Variants in DCC observed in about 807,000 individuals in gnomAD.
DCC encodes netrin receptor DCC.
In DCC, 58 loss-of-function variants were observed where a neutral mutation model predicts 172.5. The ratio of observed to expected loss-of-function variants is 0.34; its 90% CI spans 0.27 to 0.42. DCC has a LOEUF of 0.42. DCC is among the 10% of genes least tolerant of loss of function. The pLI is 1.00. For missense variants in DCC, 1,740 were observed against 1,791.0 expected (o/e 0.97, Z 0.51); for synonymous variants, 709 against 644.5 (o/e 1.10, Z -1.52).
At chr18:52,984,205 C>T (rs1246123169) in intron 5 of DCC, among the ~76,000 whole-genome samples, 1 of 151,970 alleles carries the variant, frequency 6.6e-6, no homozygotes. Context: ...ATCTGTTAAA[C>T]ACTGTAATTT....
At chr18:52,369,119 C>G (rs1216991644) in intron 1 of DCC, among the ~76,000 whole-genome samples, 1 of 152,132 alleles carries the variant, frequency 6.6e-6, no homozygotes, top group Non-Finnish European at 1.5e-5. Context: ...CCTTGTCTCT[C>G]CAAGAATGAA....
Position 53,250,557 on chromosome 18 carries a change from C to G in DCC, c.1911+34960C>G, listed in dbSNP as rs117090112. ...CCTACAGGCAATATCTGCCCCTAGT[C>G]TCCTCCCCTTTCTTCCACAGGCTTC... On this transcript the variant is annotated intron_variant, in intron 12 of 28. Transcript: ENST00000442544. 1.3e-4 allele frequency among the ~76,000 whole-genome samples: 20 copies of G among 151,912 alleles called. No individual in the cohort carries two copies. The East Asian group carries it at 3.7e-3, about 28-fold the overall frequency.
chr18:52,399,402 G>T (rs1226373469), intron 1 of DCC, among the ~76,000 whole-genome samples: 1 of 151,780 alleles, frequency 6.6e-6, no homozygotes, highest in Non-Finnish European at 1.5e-5. Flanking sequence ...ATGTCCTTTT[G>T]TTATTTAAAC....
chr18:52,713,242 G>T (rs1599039942), intron 1 of DCC, among the ~76,000 whole-genome samples: 4 of 152,308 alleles, frequency 2.6e-5, no homozygotes, highest in Admixed American at 1.3e-4. Context: ...AAGGGAAAAA[G>T]GACAATGTTT....
At chr18:52,577,509 T>G (rs1332120138) in intron 1 of DCC, among the ~76,000 whole-genome samples, 4 of 152,198 alleles carry the variant, frequency 2.6e-5, no homozygotes, top group Non-Finnish European at 5.9e-5. Flanking sequence ...GTTGAATTCT[T>G]AAGTTGATGG....
intron 12 of DCC, among the ~76,000 whole-genome samples, chr18:53,239,502 G>C (rs773296461): frequency 9.9e-5 from 15 of 152,152 alleles, no homozygotes; most frequent in Non-Finnish European, 1.8e-4. Flanking sequence ...TGGTTGTGCT[G>C]ATAGGTGAGT....
At chr18:53,060,187 T>C (rs1337317741) in intron 5 of DCC, among the ~76,000 whole-genome samples, 2 of 70,868 alleles carry the variant, frequency 2.8e-5, no homozygotes, top group Admixed American at 1.2e-4. Flanking sequence ...TTTGTTGCTG[T>C]TGTTGTTGTT....
At chr18:53,504,096 T>C (rs1031752522) in intron 27 of DCC, among the ~76,000 whole-genome samples, 3 of 152,240 alleles carry the variant, frequency 2.0e-5, no homozygotes, top group Non-Finnish European at 4.4e-5. Flanking sequence ...GTTTGATTTA[T>C]ATTTTATGGA....
chr18:53,066,363 A>G (rs1167188695), intron 7 of DCC, among the ~76,000 whole-genome samples, 197 bp downstream of exon 7: 626 of 53,000 alleles, frequency 0.012, 22 homozygotes, highest in African/African-American at 0.088. Context: ...GTATATATAT[A>G]TATATATATA....
intron 1 of DCC, among the ~76,000 whole-genome samples, chr18:52,728,430 G>A (rs2036586791): frequency 6.6e-6 from 1 of 152,066 alleles, no homozygotes; most frequent in Non-Finnish European, 1.5e-5. Context: ...ATCTCTTAGG[G>A]CAAAGTAGTT....
intron 5 of DCC, among the ~76,000 whole-genome samples, chr18:52,986,221 T>G (rs1360122447): frequency 6.6e-6 from 1 of 152,174 alleles, no homozygotes; most frequent in East Asian, 1.9e-4. Flanking sequence ...GCTTACAGAA[T>G]GAGAATGACT....
At chr18:53,341,903 T>C (rs896169018) in intron 15 of DCC, among the ~76,000 whole-genome samples, 1 of 152,106 alleles carries the variant, frequency 6.6e-6, no homozygotes, top group African/African-American at 2.4e-5. Flanking sequence ...TTATAACTTT[T>C]TTTAATTTTT....
intron 1 of DCC, among the ~76,000 whole-genome samples, chr18:52,661,928 A>G (rs1158953041): frequency 1.3e-5 from 2 of 152,218 alleles, no homozygotes; most frequent in South Asian, 2.1e-4. Context: ...AATAAGAAAA[A>G]GTGTTCAGAA....
intron 27 of DCC, among the ~76,000 whole-genome samples, chr18:53,503,508 A>G (rs940300874): frequency 2.0e-4 from 30 of 152,220 alleles, no homozygotes; most frequent in African/African-American, 7.2e-4. Flanking sequence ...AAATGTAGAC[A>G]TGTAAGTGAT....
intron 18 of DCC, among the ~76,000 whole-genome samples, chr18:53,401,825 G>A (rs1368319222): frequency 6.6e-6 from 1 of 152,166 alleles, no homozygotes; most frequent in Non-Finnish European, 1.5e-5. Flanking sequence ...AGAGCAGATT[G>A]GAAGAAGCCT....
chr18:53,498,266 A>G (rs1482863916), intron 26 of DCC, among the ~76,000 whole-genome samples: 2 of 152,188 alleles, frequency 1.3e-5, no homozygotes, highest in Admixed American at 6.6e-5. Flanking sequence ...TCTCAAAATT[A>G]TCTCACTAAT....
At chr18:53,409,796 A>G (rs1361184746) in intron 19 of DCC, among the ~76,000 whole-genome samples, 1 of 152,196 alleles carries the variant, frequency 6.6e-6, no homozygotes, top group Non-Finnish European at 1.5e-5. Flanking sequence ...TTATCCAGCA[A>G]TACTTATTTC....
chr18:53,242,130 A>T (rs1045934358), intron 12 of DCC, among the ~76,000 whole-genome samples: 5 of 152,162 alleles, frequency 3.3e-5, no homozygotes, highest in African/African-American at 1.2e-4. Flanking sequence ...GTAGTAAAGA[A>T]CAAACAGGAA....
chr18:53,182,590 T>C (rs1349924227), intron 9 of DCC, among the ~76,000 whole-genome samples: 3 of 152,206 alleles, frequency 2.0e-5, no homozygotes, highest in African/African-American at 7.2e-5. Context: ...TTACGGACAT[T>C]AGAATAAATA....
Sources: gnomAD v4.1 joint callset for allele counts (sites outside exome capture counted in the v4.1 genomes callset) on GRCh38, gnomAD v4.1.1 for gene constraint, MANE v1.5 for transcripts, NCBI Gene and HGNC (gene_info 2026-07-23, HGNC 2026-07-21) for gene names.